The following SSBP3 variants were observed in gnomAD, a reference collection of about 807,000 sequenced individuals.
SSBP3 encodes single stranded DNA binding protein 3, also known as single-stranded DNA-binding protein 3.
A neutral mutation model predicts 69.6 loss-of-function variants in SSBP3; 5 were observed. The observed-to-expected ratio is 0.07, with a 90% CI of 0.04 to 0.15. The LOEUF (loss-of-function observed/expected upper bound fraction) is 0.15. SSBP3 is among the 10% of genes least tolerant of loss of function. SSBP3 has a pLI of 1.00. For synonymous variants in SSBP3, 196 were observed against 193.4 expected, an observed-to-expected ratio of 1.01 and a Z score of -0.11; for missense variants, 312 against 534.0, an observed-to-expected ratio of 0.58 and a Z score of 4.10.
upstream of SSBP3, among the ~76,000 whole-genome samples, chr1:54,409,871 T>TA: frequency 6.6e-6 from 1 of 152,162 alleles, no homozygotes; most frequent in Non-Finnish European, 1.5e-5. Context: ...CCGTGGAACT[T>TA]ACACTGTAGT....
chr1:54,392,698 C>T (rs1014950020), intron 4 of SSBP3, among the ~76,000 whole-genome samples: 5 of 152,198 alleles, frequency 3.3e-5, no homozygotes, highest in Admixed American at 1.3e-4. Context: ...CTTCTCAAGG[C>T]TCAGAGCCTT....
rs1396302826 is a variant in SSBP3, at chr1:54,316,654, AAAAAATAAAATAAATAAATAAAT to A, written c.277-35150_277-35128del. The stretch of plus-strand genomic sequence containing the variant: ...CAGAGCGAGACTCCGTCTCAAAAAA[AAAAAATAAAATAAATAAATAAAT>A]AAATAAATAAATAAATAAATAAATA... On this transcript the variant is annotated intron_variant, in intron 4 of 17. Transcript: ENST00000610401. Among the ~76,000 whole-genome samples, 41 of 72,890 alleles carry A rather than the reference AAAAAATAAAATAAATAAATAAAT, an allele frequency of 5.6e-4. 1 individual carries two copies. The highest frequency in any genetic ancestry group is 4.1e-3 in the East Asian group (11 of 2,672). The allele number at this position is 72,890 out of a possible 152,430, so 47.8% of individuals were successfully genotyped here.
At chr1:54,272,919 C>A (rs980688162) in intron 5 of SSBP3, among the ~76,000 whole-genome samples, 1 of 152,210 alleles carries the variant, frequency 6.6e-6, no homozygotes, top group Non-Finnish European at 1.5e-5. Flanking sequence ...AGGGCTTCGC[C>A]AGGAGCAGCA....
rs796442296 is a variant in SSBP3, at chr1:54,313,965, T to C, written c.277-32438A>G. Among the ~76,000 whole-genome samples, 6 of 152,300 alleles carry C rather than the reference T, an allele frequency of 3.9e-5. 1 individual carries two copies. The highest frequency in any genetic ancestry group is 1.4e-4 in the African/African-American group (6 of 41,554). On this transcript the variant is annotated intron_variant, in intron 4 of 17. Coordinates refer to ENST00000610401, the Ensembl canonical transcript of SSBP3. ...TTTTAGTAGAGACGGGGTTTCACCA[T>C]GTTATCCAGGCTGGTCTCAAAGTCC... is the stretch of plus-strand genomic sequence containing the variant.
In SSBP3 at chr1:54,386,322, C is replaced by A. The variant is rs547073081; in HGVS notation, c.276+15539G>T. On this transcript the variant is annotated intron_variant, in intron 4 of 17. Coordinates refer to ENST00000610401, the Ensembl canonical transcript of SSBP3. ...CCCATGAGCCTATTCTTAGGATTGA[C>A]ATCCTTCAGATACATTTTATCCTTC... Among the ~76,000 whole-genome samples, 11 of 152,348 alleles carry A rather than the reference C, an allele frequency of 7.2e-5. No homozygotes were observed. In the South Asian group the frequency reaches 2.1e-3, roughly 29 times the overall value.
At chr1:54,380,727 G>A (rs1374773805) in intron 4 of SSBP3, among the ~76,000 whole-genome samples, 1 of 152,176 alleles carries the variant, frequency 6.6e-6, no homozygotes. Flanking sequence ...CAGCCTGGTT[G>A]TAATGCCCCA....
intron 4 of SSBP3, 103 bp downstream of exon 4, chr1:54,401,758 A>G (rs1649319267): frequency 1.2e-5 from 11 of 931,858 alleles, no homozygotes; most frequent in Non-Finnish European, 1.8e-5. Context: ...CGCAAGAAGC[A>G]AATAAAGACC....
At chr1:54,362,199 T>A (rs1646961302) in intron 4 of SSBP3, among the ~76,000 whole-genome samples, 1 of 152,162 alleles carries the variant, frequency 6.6e-6, no homozygotes, top group African/African-American at 2.4e-5. Context: ...TTTCTCAGTA[T>A]TCATTCATCT....
intron 4 of SSBP3, among the ~76,000 whole-genome samples, chr1:54,353,627 T>C (rs1646818286): frequency 2.0e-5 from 3 of 152,078 alleles, no homozygotes; most frequent in African/African-American, 4.8e-5. Flanking sequence ...TCTCACATGC[T>C]CCATGGAAGT....
At chr1:54,294,159 A>AAAAAAAAAAAG (rs754650225) in intron 4 of SSBP3, among the ~76,000 whole-genome samples, 1 of 86,164 alleles carries the variant, frequency 1.2e-5, no homozygotes, top group East Asian at 3.6e-4. Flanking sequence ...AAAAAAAAAA[A>AAAAAAAAAAAG]AAAGAAAGAA....
intron 4 of SSBP3, among the ~76,000 whole-genome samples, chr1:54,289,045 C>CAA (rs796091545): frequency 6.1e-4 from 25 of 41,140 alleles, no homozygotes; most frequent in Admixed American, 2.6e-3. Context: ...AACAAAAAAA[C>CAA]AAAAAAAAAA....
chr1:54,377,700 T>C (rs1333329766), intron 4 of SSBP3, among the ~76,000 whole-genome samples: 3 of 152,196 alleles, frequency 2.0e-5, no homozygotes, highest in Non-Finnish European at 4.4e-5. Context: ...GGAAGCATCA[T>C]ACACAAAGCT....
intron 1 of SSBP3, 122 bp from the exon 2 acceptor site, chr1:54,405,052 G>C (rs1050961611): frequency 2.6e-5 from 22 of 859,674 alleles, no homozygotes; most frequent in Non-Finnish European, 3.8e-5. Flanking sequence ...GCCCCGACCA[G>C]AGGTAAGCAG....
At chr1:54,339,314 GAT>G (rs1646565587) in intron 4 of SSBP3, among the ~76,000 whole-genome samples, 1 of 152,228 alleles carries the variant, frequency 6.6e-6, no homozygotes, top group Admixed American at 6.5e-5. Flanking sequence ...ATGCTGGACA[GAT>G]AGCAGATTCT....
chr1:54,332,107 G>C (rs1646427533), intron 4 of SSBP3, among the ~76,000 whole-genome samples: 1 of 152,238 alleles, frequency 6.6e-6, no homozygotes, highest in South Asian at 2.1e-4. Context: ...GCTCCTAAGT[G>C]AAGGGCTGAG....
At chr1:54,340,107 T>C (rs1213564424) in intron 4 of SSBP3, among the ~76,000 whole-genome samples, 1 of 152,140 alleles carries the variant, frequency 6.6e-6, no homozygotes. Flanking sequence ...CATTTGCTTT[T>C]TGGTAAGCTC....
Position 54,336,110 on chromosome 1 carries a change from T to C in SSBP3, c.277-54583A>G, listed in dbSNP as rs145671367. Among the ~76,000 whole-genome samples, 576 of 152,358 alleles carry C rather than the reference T, an allele frequency of 3.8e-3. 4 individuals are homozygous for C. Among genetic ancestry groups the C allele is most frequent in the African/African-American group, 0.013 (555 of 41,580 alleles). ...AACAGAACCATCTCTAAAGTTCTTC[T>C]AGCACTGGCACTCTGGATTCTTAGC... On this transcript the variant is annotated intron_variant, in intron 4 of 17. Transcript: ENST00000610401.
chr1:54,310,296 C>G (rs943207534), intron 4 of SSBP3, among the ~76,000 whole-genome samples: 1 of 152,148 alleles, frequency 6.6e-6, no homozygotes, highest in African/African-American at 2.4e-5. Context: ...CCGCAGGCTC[C>G]GTCACTACCT....
intron 4 of SSBP3, among the ~76,000 whole-genome samples, chr1:54,333,249 C>G (rs564992076): frequency 6.6e-6 from 1 of 152,186 alleles, no homozygotes; most frequent in Non-Finnish European, 1.5e-5. Flanking sequence ...CATAGACTCT[C>G]GGGAGAGAAG....
Sources: gnomAD v4.1 joint callset for allele counts (sites outside exome capture counted in the v4.1 genomes callset) on GRCh38, gnomAD v4.1.1 for gene constraint, MANE v1.5 for transcripts, NCBI Gene and HGNC (gene_info 2026-07-23, HGNC 2026-07-21) for gene names.